The following DLC1 variants were observed in gnomAD, a reference collection of about 807,000 sequenced individuals.
The protein encoded by DLC1 is rho GTPase-activating protein 7.
Under a neutral mutation model 140.3 loss-of-function variants are expected in DLC1, and 54 were observed. That is an observed-to-expected ratio of 0.38 (90% CI 0.31 to 0.48). DLC1 has a LOEUF of 0.48. DLC1 is among the 20% of genes least tolerant of loss of function. The pLI is 0.96. For missense variants in DLC1, 2,536 were observed against 1,907.0 expected (o/e 1.33, Z -6.14); for synonymous variants, 986 against 728.1 (o/e 1.35, Z -5.70).
chr8:13,152,747 G>A (rs945284438), intron 5 of DLC1, among the ~76,000 whole-genome samples: 1 of 146,014 alleles, frequency 6.8e-6, no homozygotes, highest in Non-Finnish European at 1.5e-5. Context: ...GTCTGGGGAG[G>A]TCAAGGCTGA....
intron 4 of DLC1, among the ~76,000 whole-genome samples, chr8:13,348,876 G>A (rs566582890): frequency 1.6e-4 from 25 of 152,272 alleles, no homozygotes; most frequent in African/African-American, 5.5e-4. Flanking sequence ...TTCTTGAGGA[G>A]GGCAGTGGGG....
At chr8:13,443,626 C>T (rs1798640334) in intron 2 of DLC1, among the ~76,000 whole-genome samples, 2 of 144,602 alleles carry the variant, frequency 1.4e-5, no homozygotes, top group African/African-American at 5.1e-5. Flanking sequence ...CCACTGCACT[C>T]CAGCCTAGGC....
chr8:13,336,619 G>A (rs1180217698), intron 4 of DLC1, among the ~76,000 whole-genome samples: 1 of 152,168 alleles, frequency 6.6e-6, no homozygotes, highest in East Asian at 1.9e-4. Context: ...GGAAAGATCA[G>A]AAGATGGGGT....
chr8:13,116,512 C>T (rs917451787), intron 5 of DLC1, among the ~76,000 whole-genome samples: 1 of 152,178 alleles, frequency 6.6e-6, no homozygotes, highest in Non-Finnish European at 1.5e-5. Context: ...TACTCAGTTA[C>T]ACAAGTCTGT....
intron 1 of DLC1, chr8:13,583,744 G>C (rs376496125): frequency 1.3e-5 from 2 of 152,262 alleles, no homozygotes; most frequent in Non-Finnish European, 2.9e-5. Context: ...TTAGAGAGTC[G>C]GTGTCTCTGA....
intron 2 of DLC1, among the ~76,000 whole-genome samples, chr8:13,415,540 C>T (rs1485053193): frequency 1.3e-5 from 2 of 151,802 alleles, no homozygotes; most frequent in African/African-American, 4.8e-5. Flanking sequence ...GCAGGGAGTA[C>T]AGGCTCCCGC....
chr8:13,103,290 G>A (rs59468033), intron 7 of DLC1, among the ~76,000 whole-genome samples: 1,581 of 151,048 alleles, frequency 0.01, 23 homozygotes, highest in African/African-American at 0.036. Flanking sequence ...CAGCCTGGGC[G>A]ACAGAGTGAG....
At chr8:13,339,657 T>G (rs1833952246) in intron 4 of DLC1, 1 of 152,216 alleles carries the variant, frequency 6.6e-6, no homozygotes, top group Non-Finnish European at 1.5e-5. Flanking sequence ...TCAGAACCTC[T>G]AAAATTGCAT....
chr8:13,117,312 G>C lies in DLC1; in HGVS notation c.1349-1655C>G, dbSNP rs575876065. 2.0e-5 allele frequency among the ~76,000 whole-genome samples: 3 copies of C among 151,926 alleles called. No individual in the cohort carries two copies. The East Asian group carries it at 5.8e-4, about 29-fold the overall frequency. ...ATGGCGAAACCCTGTCTCTACCAAA[G>C]AAAAAAATTACAAAAATTAGTCAGG... On this transcript the variant is annotated intron_variant, in intron 5 of 17. Coordinates refer to ENST00000276297, the MANE Select transcript of DLC1 (RefSeq NM_182643.3).
In DLC1 at chr8:13,528,005, G is replaced by A. The variant is rs1012267244; in HGVS notation, c.-125-27809C>T. Among the ~76,000 whole-genome samples, 6 of 152,004 alleles carry A rather than the reference G, an allele frequency of 3.9e-5. No individual in the cohort carries two copies. In the South Asian group the frequency reaches 1.2e-3, roughly 32 times the overall value. The stretch of plus-strand genomic sequence containing the variant: ...GCCACATTTATGACAAGTGAATTCA[G>A]CCAATTTTTAAGTGTAAACATGTTG... On this transcript the variant is annotated intron_variant, in intron 1 of 1. Coordinates refer to the DLC1 transcript ENST00000631382.
rs1016313966 is a variant in DLC1, at chr8:13,457,696, A to G, written c.1023+41353T>C. Reference sequence around the variant, plus strand: ...CATCTCAAAAAAAAAAAAAAAAAAAAAAAAAGAAATAAAAACAGTACACAC... The same window carrying G: ...CATCTCAAAAAAAAAAAAAAAAAAAGAAAAAGAAATAAAAACAGTACACAC... On this transcript the variant is annotated intron_variant, in intron 2 of 17. Transcript: ENST00000276297. 1.3e-4 allele frequency among the ~76,000 whole-genome samples: 19 copies of G among 150,824 alleles called. No individual in the cohort carries two copies. In the South Asian group the frequency reaches 2.3e-3, roughly 18 times the overall value.
intron 5 of DLC1, among the ~76,000 whole-genome samples, chr8:13,256,091 G>A (rs1830214505): frequency 6.6e-6 from 1 of 152,172 alleles, no homozygotes; most frequent in Admixed American, 6.5e-5. Context: ...AAGGTCTCAA[G>A]AGCTAGTTGA....
chr8:13,366,085 C>G (rs2117096071), intron 4 of DLC1, among the ~76,000 whole-genome samples: 1 of 152,302 alleles, frequency 6.6e-6, no homozygotes, highest in African/African-American at 2.4e-5. Context: ...TCAACAAGTG[C>G]TGCATAAAGA....
chr8:13,111,924 T>G (rs1441256209), intron 6 of DLC1, among the ~76,000 whole-genome samples: 1 of 151,952 alleles, frequency 6.6e-6, no homozygotes, highest in Admixed American at 6.6e-5. Context: ...GGACAGAAGA[T>G]CATTTGAGCT....
chr8:13,103,123 A>G (rs1012797545), intron 7 of DLC1, among the ~76,000 whole-genome samples: 1 of 151,752 alleles, frequency 6.6e-6, no homozygotes, highest in Non-Finnish European at 1.5e-5. Context: ...ATCCTGGCTA[A>G]CACGGTGAAA....
chr8:13,092,089 A>G (rs556672535), intron 13 of DLC1, among the ~76,000 whole-genome samples: 1 of 152,240 alleles, frequency 6.6e-6, no homozygotes, highest in Admixed American at 6.5e-5. Context: ...TACTAAAAAT[A>G]TAAAAATTAG....
chr8:13,240,966 G>T (rs566267011), intron 5 of DLC1, among the ~76,000 whole-genome samples: 1 of 152,164 alleles, frequency 6.6e-6, no homozygotes, highest in East Asian at 1.9e-4. Context: ...CTAAGAAGGA[G>T]AGAGCAAGGA....
chr8:13,294,062 A>G lies in DLC1; in HGVS notation c.1348+11207T>C, dbSNP rs535308240. ...TGTACTATTAATATTATAGTGTCATACTGAATAGTTTCACTATGCGGAAAA... is the reference window on the plus strand; with the variant it reads ...TGTACTATTAATATTATAGTGTCATGCTGAATAGTTTCACTATGCGGAAAA... On this transcript the variant is annotated intron_variant, in intron 5 of 17. Transcript: ENST00000276297. 3.3e-5 allele frequency among the ~76,000 whole-genome samples: 5 copies of G among 152,320 alleles called. No individual in the cohort carries two copies. In the East Asian group the frequency reaches 5.8e-4, roughly 18 times the overall value.
chr8:13,418,850 G>A (rs910675839), intron 2 of DLC1, among the ~76,000 whole-genome samples: 2 of 152,126 alleles, frequency 1.3e-5, no homozygotes, highest in African/African-American at 4.8e-5. Flanking sequence ...CCATGAGCAT[G>A]GAATTTTCTT....
Sources: gnomAD v4.1 joint callset for allele counts (sites outside exome capture counted in the v4.1 genomes callset) on GRCh38, gnomAD v4.1.1 for gene constraint, MANE v1.5 for transcripts, NCBI Gene and HGNC (gene_info 2026-07-23, HGNC 2026-07-21) for gene names.